The following BRAT1 variants were observed in gnomAD, a reference collection of about 807,000 sequenced individuals.
BRAT1 encodes the protein integrator complex assembly factor BRAT1.
Under a neutral mutation model 70.6 loss-of-function variants are expected in BRAT1, and 74 were observed. That is an observed-to-expected ratio of 1.05 (90% confidence interval 0.87 to 1.27). The LOEUF (loss-of-function observed/expected upper bound fraction) is 1.27. Ranked by LOEUF, BRAT1 falls within the 50% of genes most tolerant of loss-of-function variation. BRAT1 has a pLI of 0.00. For missense variants in BRAT1, 1,203 were observed against 1,098.2 expected, an observed-to-expected ratio of 1.10 and a Z score of -1.35; for synonymous variants, 615 against 517.1, an observed-to-expected ratio of 1.19 and a Z score of -2.57.
chr7:2,554,147 T>C (rs1202687938), intron 2 of BRAT1, among the ~76,000 whole-genome samples, 158 bp downstream of exon 2: 2 of 152,246 alleles, frequency 1.3e-5, no homozygotes, highest in African/African-American at 4.8e-5. Flanking sequence ...GCCCTCAGTC[T>C]GCCACAGATA....
Position 2,543,718 on chromosome 7 carries a change from G to A in BRAT1, c.675C>T (p.Phe225=), listed in dbSNP as rs139443843. 1,187 of 1,586,200 alleles carry A rather than the reference G, an allele frequency of 7.5e-4. 7 individuals carry two copies. The African/African-American group carries it at 0.013, about 18-fold the overall frequency. The change falls in exon 5 of 14, where the codon TTC becomes TTT. Residue 225 remains phenylalanine, a synonymous_variant. Transcript: ENST00000340611. The surrounding 1 kb of genome is among the most constrained non-coding windows in gnomAD (Gnocchi z 5.5). ...TQALNVLTTT[F]GRCQSPWTEA... is the part of the protein sequence containing the mutation. ...CCGTCCAGGGGCTCTGGCAGCGCCCGAAGGTCGTGGTCAGGACGTTCAGGG... is the reference window on the plus strand; with the variant it reads ...CCGTCCAGGGGCTCTGGCAGCGCCCAAAGGTCGTGGTCAGGACGTTCAGGG...
rs761257350 is a variant in BRAT1, at chr7:2,543,417, C to CCAGTGTCATGGGGAAA, written c.804-95_804-94insTTTCCCCATGACACTG. ...ACTGCCATGGCTCCGGCACTGGAGG[C>CCAGTGTCATGGGGAAA]GCCCAGCCCAAGACAGGCCTTTCCC... is the stretch of plus-strand genomic sequence containing the variant. On this transcript the variant is annotated intron_variant, in intron 5 of 13. Coordinates refer to ENST00000340611, the MANE Select transcript of BRAT1 (RefSeq NM_152743.4). The surrounding 1 kb of genome is among the most constrained non-coding windows in gnomAD (Gnocchi z 5.5). The CCAGTGTCATGGGGAAA allele has an allele frequency of 1.2e-3, 1,731 of 1,494,676 alleles. 3 individuals carry two copies. Among genetic ancestry groups the CCAGTGTCATGGGGAAA allele is most frequent in the Non-Finnish European group, 1.4e-3 (1,609 of 1,125,238 alleles). The allele number at this position is 1,494,676 out of a possible 1,614,324, so 92.6% of individuals were successfully genotyped here.
intron 2 of BRAT1, among the ~76,000 whole-genome samples, chr7:2,550,494 AGAAAG>A (rs1562591250): frequency 4.0e-5 from 5 of 126,236 alleles, no homozygotes; most frequent in African/African-American, 1.1e-4. Context: ...AAAAAAAAAA[AGAAAG>A]AAAAGAAAAA....
rs1452650151 is a variant in BRAT1, at chr7:2,538,514, G to A, written c.2021C>T (p.Pro674Leu). Residue 674 changes from proline (P) to leucine (L), a missense_variant, in exon 14 of 14, where the codon CCC (proline) becomes CTC (leucine). By Grantham distance (98) the Pro-to-Leu change is moderately conservative. Coordinates refer to ENST00000340611, the MANE Select transcript of BRAT1 (RefSeq NM_152743.4). The stretch of plus-strand genomic sequence containing the variant: ...CACCTCGGGTAGGGCCACGGCATAG[G>A]GGCAGTGGGTACGCGGCGGCCCCAA... ...QTLGPPRTHC[P>L]YAVALPEVAP... 2 of 1,610,026 alleles carry A rather than the reference G, an allele frequency of 1.2e-6. No homozygotes were observed. The highest frequency in any genetic ancestry group is 1.7e-5 in the Admixed American group (1 of 59,996).
At chr7:2,546,735 G>A (rs1332325397) in intron 3 of BRAT1, among the ~76,000 whole-genome samples, 2 of 151,888 alleles carry the variant, frequency 1.3e-5, no homozygotes, top group African/African-American at 4.8e-5. Context: ...ACTCTGTCTC[G>A]AAAAATAATA....
Position 2,543,151 on chromosome 7 carries a change from C to T in BRAT1, c.923+53G>A. 1 of 1,502,906 alleles carries T rather than the reference C, an allele frequency of 6.7e-7. No homozygotes were observed. Among genetic ancestry groups the T allele is most frequent in the African/African-American group, 1.4e-5 (1 of 70,734 alleles). The allele number at this position is 1,502,906 out of a possible 1,614,324, so 93.1% of individuals were successfully genotyped here. On this transcript the variant is annotated intron_variant, in intron 6 of 13. Transcript: ENST00000340611. The surrounding 1 kb of genome is among the most constrained non-coding windows in gnomAD (Gnocchi z 5.5). The stretch of plus-strand genomic sequence containing the variant: ...GAGGGCTGCGCTCTCAACCTCCCTG[C>T]CTGCCCCAGCTCCCAGCACCCGCCT...
At chr7:2,555,205 CTCTG>C (rs1344984747) in intron 1 of BRAT1, among the ~76,000 whole-genome samples, 1 of 152,016 alleles carries the variant, frequency 6.6e-6, no homozygotes, top group Non-Finnish European at 1.5e-5. Flanking sequence ...TGGTCAGCGG[CTCTG>C]TCTAACCGGG....
intron 2 of BRAT1, among the ~76,000 whole-genome samples, chr7:2,554,072 G>A (rs1780232299): frequency 6.6e-6 from 1 of 152,182 alleles, no homozygotes; most frequent in Non-Finnish European, 1.5e-5. Flanking sequence ...CCCTGATCGT[G>A]GCTCAACTGG....
chr7:2,547,252 C>T (rs1420004300), intron 3 of BRAT1, 72 bp downstream of exon 3: 5 of 1,568,990 alleles, frequency 3.2e-6, no homozygotes, highest in Non-Finnish European at 4.4e-6. Context: ...CTACAAATGC[C>T]CCACCTGGCT....
intron 6 of BRAT1, 177 bp from the exon 7 acceptor site, chr7:2,542,388 A>C: frequency 1.6e-6 from 1 of 620,924 alleles, no homozygotes; most frequent in Non-Finnish European, 2.9e-6. Context: ...CGGGGAGGAC[A>C]GGCCTGACCA....
intron 2 of BRAT1, among the ~76,000 whole-genome samples, chr7:2,549,454 C>T (rs916677795): frequency 1.3e-5 from 2 of 151,524 alleles, no homozygotes; most frequent in African/African-American, 2.4e-5. Context: ...TGGACAACAG[C>T]ACAAGAACTT....
rs771907906 is a variant in BRAT1 at position 2,541,033 on chromosome 7, C to T, written c.1341G>A (p.Thr447=). ...ACTCCAGGAGGACAGCAAGCGCCTG[C>T]GTCACCAGCTCCTGGGGGCCTGAGA... ...SQGTGPQELV[T]QALAVLLECL... Residue 447 remains threonine (T), a synonymous_variant, in exon 10 of 14, where the codon ACG becomes ACA. Coordinates refer to ENST00000340611, the MANE Select transcript of BRAT1 (RefSeq NM_152743.4). 3.2e-6 allele frequency: 5 copies of T among 1,571,160 alleles called. No individual in the cohort carries two copies. Among genetic ancestry groups the T allele is most frequent in the South Asian group, 1.2e-5 (1 of 84,186 alleles).
In BRAT1 at chr7:2,544,951, G is replaced by C. The variant is rs1432523830; in HGVS notation, c.388C>G (p.Leu130Val). The change falls in exon 4 of 14, where the codon CTG (leucine) becomes GTG (valine). Residue 130 changes from leucine to valine, a missense_variant. Transcript: ENST00000340611. ...CGCAGGGCGCTGGGGTGCTGTGCCA[G>C]GGAGCGCAGGCCCTGGATCCAGCCG... is the stretch of plus-strand genomic sequence containing the variant. ...RSGWIQGLRS[L>V]AQHPSALRFL... The C allele has an allele frequency of 6.4e-7, 1 of 1,559,046 alleles. No individual in the cohort carries two copies. Among genetic ancestry groups the C allele is most frequent in the South Asian group, 1.2e-5 (1 of 84,694 alleles).
intron 2 of BRAT1, among the ~76,000 whole-genome samples, chr7:2,551,701 G>C (rs944156203): frequency 6.8e-6 from 1 of 147,906 alleles, no homozygotes; most frequent in African/African-American, 2.5e-5. Flanking sequence ...AAAAGAAAAA[G>C]AAAAACTGAC....
chr7:2,543,610 G>A lies in BRAT1; in HGVS notation c.783C>T (p.Asp261=). The change falls in exon 5 of 14, where the codon GAC becomes GAT. Residue 261 remains aspartate, a synonymous_variant. Transcript: ENST00000340611. This position sits in a 1 kb window ranked among gnomAD's most constrained non-coding sequence, Gnocchi z 5.5. The stretch of plus-strand genomic sequence containing the variant: ...CTGACCGAGCCACACAGAGAAGCAG[G>A]TCCACGAACGAGTGTGCGGCGGGGA... ...DPIPAAHSFV[D]LLLCVARSPV... is the part of the protein sequence containing the mutation. 1 of 1,524,644 alleles carries A rather than the reference G, an allele frequency of 6.6e-7. No homozygotes were observed. The highest frequency in any genetic ancestry group is 8.8e-7 in the Non-Finnish European group (1 of 1,133,064). 94.4% of individuals were successfully genotyped at this position (1,524,644 alleles called of 1,614,324 possible). A position where few individuals can be genotyped will look rare whatever the true frequency, so the allele number is the denominator to read the frequency against.
intron 2 of BRAT1, among the ~76,000 whole-genome samples, chr7:2,552,290 G>T (rs1780100518): frequency 1.3e-5 from 2 of 149,870 alleles, no homozygotes; most frequent in African/African-American, 2.4e-5. Context: ...GCTAATTCTT[G>T]TATTTTTAGT....
In BRAT1 at chr7:2,539,227, G is replaced by C. The variant is rs1190197198; in HGVS notation, c.1722C>G (p.Ser574Arg). 6 of 1,610,788 alleles carry C rather than the reference G, an allele frequency of 3.7e-6. No individual in the cohort carries two copies. Among genetic ancestry groups the C allele is most frequent in the Non-Finnish European group, 5.1e-6 (6 of 1,179,730 alleles). The change falls in exon 13 of 14, where the codon AGC becomes AGG. Residue 574 changes from serine to arginine, a missense_variant. Physicochemically the swap from Ser to Arg is moderately radical, Grantham distance 110. Transcript: ENST00000340611. ...GGCTGGTGGGGGCGTGCAGGCCCTG[G>C]CTGGACAGCTGCCCCATGGCGGTCA... is the stretch of plus-strand genomic sequence containing the variant. The part of the protein sequence containing the change: ...SAVTAMGQLS[S>R]QGLHAPTSPE...
At chr7:2,544,390 C>G (rs759854753) in intron 4 of BRAT1, 1 of 168,694 alleles carries the variant, frequency 5.9e-6, no homozygotes, top group Non-Finnish European at 1.3e-5. Flanking sequence ...CTCGTAGAGA[C>G]AGGGTTTCAC....
rs186744212 is a variant in BRAT1, at chr7:2,553,096, G to A, written c.127+1209C>T. 1.4e-4 allele frequency among the ~76,000 whole-genome samples: 21 copies of A among 152,090 alleles called. No homozygotes were observed. The East Asian group carries it at 3.9e-3, about 28-fold the overall frequency. On this transcript the variant is annotated intron_variant, in intron 2 of 13. Transcript: ENST00000340611. ...TTCTGTCGCTGGAGTGCAGTGGCAC[G>A]ATCTGGGCTCACTGCAACCTCCGCT...
Sources: allele counts gnomAD v4.1 joint callset (sites outside exome capture counted in the v4.1 genomes callset), GRCh38; gene constraint gnomAD v4.1.1; non-coding constraint Gnocchi (gnomAD v3.1); transcripts MANE v1.5; gene names NCBI Gene and HGNC (gene_info 2026-07-23, HGNC 2026-07-21).